The following ZNF469 variants were observed in gnomAD, a reference collection of about 807,000 sequenced individuals.
ZNF469 encodes the protein zinc finger protein 469.
Under a neutral mutation model 1.0 loss-of-function variants are expected in ZNF469, and 1 was observed. That is an observed-to-expected ratio of 1.00 (90% CI 0.35 to 4.73). The LOEUF is 4.73. Among genes scored for constraint, ZNF469 ranks in the 30% most tolerant of loss-of-function variants. The pLI, the probability that ZNF469 is intolerant of heterozygous loss-of-function variation, is 0.16. For missense variants in ZNF469, 6,100 were observed against 5,356.3 expected, an observed-to-expected ratio of 1.14 and a Z score of -4.33; for synonymous variants, 2,703 against 2,363.4, an observed-to-expected ratio of 1.14 and a Z score of -4.17.
At chr16:88,168,594 G>A in the ZNF469 span, among the ~76,000 whole-genome samples, 11 of 152,284 alleles carry the variant, frequency 7.2e-5, no homozygotes, top group African/African-American at 2.6e-4. The surrounding 1 kb of genome is among the most constrained non-coding windows in gnomAD (Gnocchi z 4.3). Context: ...CCAAAGAATG[G>A]GGCTTAGATA....
At position 88,408,809 on chromosome 16, in the gene ZNF469, T is replaced by C. The variant is rs923269088; in HGVS notation, c.-191-15998T>C. ...CCTGTGCCCGGCACCCAATGCACCA[T>C]TGAAGGAAAACATGGCCCCAGTGCC... On this transcript the variant is annotated intron_variant, in intron 1 of 2. Coordinates refer to ENST00000565624, the MANE Select transcript of ZNF469 (RefSeq NM_001367624.2). 2.0e-5 allele frequency among the ~76,000 whole-genome samples: 3 copies of C among 152,324 alleles called. 1 individual carries two copies. The highest frequency in any genetic ancestry group is 1.5e-5 in the Non-Finnish European group (1 of 68,032).
the ZNF469 span, among the ~76,000 whole-genome samples, chr16:88,135,869 T>C: frequency 6.9e-6 from 1 of 144,952 alleles, no homozygotes; most frequent in African/African-American, 2.5e-5. Context: ...CACGCCATTC[T>C]CCTGCCTCAG....
At chr16:88,355,110 G>A in the ZNF469 span, among the ~76,000 whole-genome samples, 5 of 146,362 alleles carry the variant, frequency 3.4e-5, no homozygotes, top group Admixed American at 3.3e-4. Flanking sequence ...GCAGAACACT[G>A]GGCAGAACAC....
chr16:88,195,209 G>C, the ZNF469 span: 1 of 152,212 alleles, frequency 6.6e-6, no homozygotes, highest in Middle Eastern at 3.2e-3. Flanking sequence ...TGCATGGAAC[G>C]TGCCTTCAGA....
chr16:88,437,660 A>C lies in ZNF469; in HGVS notation c.10190A>C (p.Gln3397Pro). Residue 3397 changes from glutamine to proline, a missense_variant, in exon 3 of 3, where the codon CAG (glutamine) becomes CCG (proline). Physicochemically the swap from Gln to Pro is moderately conservative, Grantham distance 76. Coordinates refer to ENST00000565624, the MANE Select transcript of ZNF469 (RefSeq NM_001367624.2). ...GGGCTGCTGGAGCGGCCGGAGCTGC[A>C]GCACACGCCGCTGTATGCCTGCGAG... ...AHGLLERPEL[Q>P]HTPLYACELC... 6.5e-7 allele frequency: 1 copy of C among 1,546,846 alleles called. No homozygotes were observed.
At chr16:88,419,542 T>C (rs1200230518) in intron 1 of ZNF469, among the ~76,000 whole-genome samples, 4 of 152,042 alleles carry the variant, frequency 2.6e-5, no homozygotes, top group African/African-American at 4.8e-5. Flanking sequence ...CCTTGTGTGG[T>C]GTCCAGGGTG....
rs780722176 is a variant in ZNF469 at position 88,438,522 on chromosome 16, G to A, written c.11052G>A (p.Ser3684=). Residue 3684 remains serine, a synonymous_variant, in exon 3 of 3, where the codon TCG becomes TCA. Coordinates refer to ENST00000565624, the MANE Select transcript of ZNF469 (RefSeq NM_001367624.2). ...GCCAGAGCTCATCAAAGGACAGGTC[G>A]GCAGCATCCACCCCCAGCAAAGCAC... ...AGCQSSSKDR[S]AASTPSKALK... 3.8e-5 allele frequency: 59 copies of A among 1,549,982 alleles called. No homozygotes were observed. Among genetic ancestry groups the A allele is most frequent in the South Asian group, 2.7e-4 (23 of 84,070 alleles).
chr16:88,243,106 A>G, the ZNF469 span, among the ~76,000 whole-genome samples: 1 of 152,124 alleles, frequency 6.6e-6, no homozygotes, highest in Admixed American at 6.5e-5. Context: ...ATCACTGCTC[A>G]TGACAGGGCT....
At chr16:88,318,927 A>G in the ZNF469 span, among the ~76,000 whole-genome samples, 1 of 152,248 alleles carries the variant, frequency 6.6e-6, no homozygotes, top group African/African-American at 2.4e-5. Flanking sequence ...TGTCAGCTGT[A>G]TGACACCCAG....
At chr16:88,167,612 G>C in the ZNF469 span, among the ~76,000 whole-genome samples, 1 of 152,164 alleles carries the variant, frequency 6.6e-6, no homozygotes, top group Non-Finnish European at 1.5e-5. Flanking sequence ...TGGTAGGGAG[G>C]TTTCCAAGGT....
the ZNF469 span, among the ~76,000 whole-genome samples, chr16:88,187,070 G>C: frequency 6.6e-6 from 1 of 152,158 alleles, no homozygotes; most frequent in African/African-American, 2.4e-5. Context: ...ACGATGTAGC[G>C]GGGCCCTCTG....
intron 1 of ZNF469, among the ~76,000 whole-genome samples, chr16:88,414,075 G>A (rs1905244979): frequency 6.6e-6 from 1 of 152,198 alleles, no homozygotes; most frequent in African/African-American, 2.4e-5. Context: ...GGGACTCCCT[G>A]AAGGACAGCT....
chr16:88,381,933 T>C (rs1481697550), upstream of ZNF469, among the ~76,000 whole-genome samples: 2 of 152,256 alleles, frequency 1.3e-5, no homozygotes, highest in Non-Finnish European at 2.9e-5. Flanking sequence ...TTGCTTTACA[T>C]AATAAAGGTG....
At chr16:88,132,023 G>A in the ZNF469 span, among the ~76,000 whole-genome samples, 6 of 152,250 alleles carry the variant, frequency 3.9e-5, no homozygotes, top group Admixed American at 6.5e-5. Context: ...GCTGGGCAGC[G>A]GCAGGACGGC....
chr16:88,362,576 G>A, the ZNF469 span, among the ~76,000 whole-genome samples: 1 of 152,004 alleles, frequency 6.6e-6, no homozygotes. Context: ...TTGTTCTACT[G>A]TCTTCTGACT....
At chr16:88,118,498 G>T in the ZNF469 span, among the ~76,000 whole-genome samples, 110 of 152,228 alleles carry the variant, frequency 7.2e-4, no homozygotes, top group Non-Finnish European at 1.2e-3. Context: ...CTACCATTTG[G>T]GCTGACTCTC....
chr16:88,125,914 C>G, the ZNF469 span, among the ~76,000 whole-genome samples: 3 of 152,046 alleles, frequency 2.0e-5, no homozygotes, highest in Non-Finnish European at 4.4e-5. Context: ...TCCGGTTGGG[C>G]GCAGTGGCTC....
At chr16:88,260,636 C>T in the ZNF469 span, among the ~76,000 whole-genome samples, 1 of 152,162 alleles carries the variant, frequency 6.6e-6, no homozygotes, top group Non-Finnish European at 1.5e-5. The surrounding 1 kb of genome is among the most constrained non-coding windows in gnomAD (Gnocchi z 4.1). Flanking sequence ...CTCGCGGCTC[C>T]GTGTTGACTA....
chr16:88,439,171 C>T lies in ZNF469; in HGVS notation c.11701C>T (p.Leu3901=), dbSNP rs1906828902. The part of the protein sequence containing the change: ...LGKAFPQGRP[L]LRPPKRGTAV... ...CAAGGCCTTCCCCCAGGGGAGACCC[C>T]TGCTCAGGCCCCCCAAGAGGGGCAC... is the stretch of plus-strand genomic sequence containing the variant. The change falls in exon 3 of 3, where the codon CTG becomes TTG. Residue 3901 remains leucine, a synonymous_variant. Coordinates refer to ENST00000565624, the MANE Select transcript of ZNF469 (RefSeq NM_001367624.2). 2 of 1,550,418 alleles carry T rather than the reference C, an allele frequency of 1.3e-6. No homozygotes were observed. The highest frequency in any genetic ancestry group is 1.7e-6 in the Non-Finnish European group (2 of 1,146,994).
Sources: gnomAD v4.1 joint callset for allele counts (sites outside exome capture counted in the v4.1 genomes callset) on GRCh38, gnomAD v4.1.1 for gene constraint, Gnocchi (gnomAD v3.1) non-coding constraint, MANE v1.5 for transcripts, NCBI Gene and HGNC (gene_info 2026-07-23, HGNC 2026-07-21) for gene names.